The following AK3 variants were observed in gnomAD, a reference collection of about 807,000 sequenced individuals.
AK3 encodes the protein GTP:AMP phosphotransferase AK3, mitochondrial.
In AK3, 27 loss-of-function variants were observed where a neutral mutation model predicts 23.7. The ratio of observed to expected loss-of-function variants is 1.14; its 90% CI spans 0.84 to 1.57. The LOEUF is 1.57. Among genes scored for constraint, AK3 ranks in the 40% most tolerant of loss-of-function variants. The pLI is 0.00. For synonymous variants in AK3, 159 were observed against 116.0 expected, an observed-to-expected ratio of 1.37 and a Z score of -2.38; for missense variants, 406 against 285.6, an observed-to-expected ratio of 1.42 and a Z score of -3.04.
intron 1 of AK3, among the ~76,000 whole-genome samples, chr9:4,730,166 G>C (rs1284408059): frequency 1.3e-5 from 2 of 152,158 alleles, no homozygotes; most frequent in African/African-American, 2.4e-5. Flanking sequence ...GTTGCCAAAG[G>C]CTGGGAGGGT....
intron 1 of AK3, among the ~76,000 whole-genome samples, chr9:4,729,584 C>G (rs1163627431): frequency 6.6e-6 from 1 of 151,958 alleles, no homozygotes; most frequent in Non-Finnish European, 1.5e-5. Context: ...CCTGTAATCC[C>G]AATGTTTTGG....
intron 4 of AK3, among the ~76,000 whole-genome samples, chr9:4,715,159 C>T (rs1214357139): frequency 7.5e-6 from 1 of 133,460 alleles, no homozygotes; most frequent in Admixed American, 8.9e-5. Context: ...GAGGAGGCTG[C>T]AGTGAGCTGG....
intron 1 of AK3, among the ~76,000 whole-genome samples, chr9:4,735,803 G>T (rs1265942295): frequency 1.3e-5 from 2 of 150,786 alleles, no homozygotes; most frequent in Admixed American, 1.3e-4. Context: ...AATTTTAAAA[G>T]AAAAAATATA....
At chr9:4,714,616 G>C (rs918379011) in intron 4 of AK3, among the ~76,000 whole-genome samples, 1 of 152,098 alleles carries the variant, frequency 6.6e-6, no homozygotes, top group African/African-American at 2.4e-5. Flanking sequence ...TAATTACTGA[G>C]GGCACAATTG....
rs1842425414 is a variant in AK3 at position 4,741,185 on chromosome 9, C to A, written c.-98G>T. The A allele has an allele frequency of 4.0e-6, 5 of 1,259,822 alleles. No homozygotes were observed. The highest frequency in any genetic ancestry group is 2.1e-5 in the South Asian group (1 of 47,826). 78.0% of individuals were successfully genotyped at this position (1,259,822 alleles called of 1,614,324 possible). A position where few individuals can be genotyped will look rare whatever the true frequency, so the allele number is the denominator to read the frequency against. On this transcript the variant is annotated 5_prime_UTR_variant, in exon 1 of 5. Coordinates refer to ENST00000381809, the MANE Select transcript of AK3 (RefSeq NM_016282.4). ...GCCTGCGCCGGCCGGCTAGCAGCGC[C>A]ACTAGCAGGCGGCTACTGCGGTTCC... is the stretch of plus-strand genomic sequence containing the variant.
At chr9:4,738,932 C>T (rs1260020345) in intron 1 of AK3, among the ~76,000 whole-genome samples, 3 of 152,032 alleles carry the variant, frequency 2.0e-5, no homozygotes, top group Admixed American at 1.3e-4. Flanking sequence ...CCACCATGCC[C>T]AGCTAATTTT....
At chr9:4,726,799 C>T (rs1842032034) in intron 1 of AK3, among the ~76,000 whole-genome samples, 1 of 151,298 alleles carries the variant, frequency 6.6e-6, no homozygotes, top group Non-Finnish European at 1.5e-5. Flanking sequence ...TTGCCCAAAT[C>T]CATCAGAGGA....
chr9:4,737,127 TTACTA>T, intron 1 of AK3, among the ~76,000 whole-genome samples: 1 of 150,490 alleles, frequency 6.6e-6, no homozygotes, highest in Non-Finnish European at 1.5e-5. Flanking sequence ...TAGTTTTTCT[TTACTA>T]TATAGTTCTT....
rs1842411151 is a variant in AK3, at chr9:4,740,807, T to C, written c.151+130A>G. The C allele has an allele frequency of 1.7e-5, 20 of 1,184,464 alleles. 1 individual carries two copies. The South Asian group carries it at 2.9e-4, about 17-fold the overall frequency. The allele number at this position is 1,184,464 out of a possible 1,614,324, so 73.4% of individuals were successfully genotyped here. ...CGCAGTCGCTCAGCAGCCCGAGGTC[T>C]CTGTCCCGGGCGGCGGGAGGGAAAT... On this transcript the variant is annotated intron_variant, in intron 1 of 4. Transcript: ENST00000381809.
At chr9:4,721,838 T>G (rs1430347452) in intron 2 of AK3, among the ~76,000 whole-genome samples, 3 of 152,242 alleles carry the variant, frequency 2.0e-5, no homozygotes, top group African/African-American at 7.2e-5. Flanking sequence ...CTACTTGTCT[T>G]CTACTAGAAT....
At chr9:4,715,335 A>G (rs140204166) in intron 4 of AK3, among the ~76,000 whole-genome samples, 3 of 151,618 alleles carry the variant, frequency 2.0e-5, no homozygotes, top group African/African-American at 7.2e-5. Flanking sequence ...ATCTCCTAAG[A>G]CAGGGGCCCG....
At chr9:4,715,216 C>CAAAA (rs1237615381) in intron 4 of AK3, among the ~76,000 whole-genome samples, 92 of 55,926 alleles carry the variant, frequency 1.6e-3, no homozygotes, top group East Asian at 0.011. Flanking sequence ...GACTCCGTCT[C>CAAAA]AAAAAAAAAA....
chr9:4,718,137 C>G (rs1841786889), intron 4 of AK3, among the ~76,000 whole-genome samples: 1 of 152,208 alleles, frequency 6.6e-6, no homozygotes. Context: ...CTGGCTGTTC[C>G]TACAAATGTC....
At chr9:4,735,834 G>T (rs1443550075) in intron 1 of AK3, among the ~76,000 whole-genome samples, 3 of 151,620 alleles carry the variant, frequency 2.0e-5, no homozygotes, top group African/African-American at 7.3e-5. Context: ...ATTGATGAAG[G>T]CCAGGTGCAG....
At chr9:4,724,412 A>G (rs1016538947) in intron 1 of AK3, among the ~76,000 whole-genome samples, 1 of 152,184 alleles carries the variant, frequency 6.6e-6, no homozygotes, top group Non-Finnish European at 1.5e-5. Context: ...GTTAATTAAT[A>G]AAGTACTTAA....
chr9:4,720,551 G>A (rs1188352997), intron 2 of AK3, among the ~76,000 whole-genome samples: 5 of 151,920 alleles, frequency 3.3e-5, no homozygotes, highest in South Asian at 2.1e-4. Flanking sequence ...TTAGCAGGGC[G>A]TGGTGGTGCA....
At chr9:4,722,448 T>C in intron 2 of AK3, 58 bp downstream of exon 2, 1 of 1,611,024 alleles carries the variant, frequency 6.2e-7, no homozygotes, top group Admixed American at 1.7e-5. Flanking sequence ...GAAATGCTCA[T>C]TCTCCTGCCA....
chr9:4,735,028 G>T (rs187919690), intron 1 of AK3, among the ~76,000 whole-genome samples: 2 of 151,576 alleles, frequency 1.3e-5, no homozygotes, highest in African/African-American at 4.9e-5. Flanking sequence ...AGAAGTGACG[G>T]CTAATAGGTA....
chr9:4,731,379 C>G (rs542096719), intron 1 of AK3, among the ~76,000 whole-genome samples: 2 of 152,212 alleles, frequency 1.3e-5, no homozygotes, highest in East Asian at 3.9e-4. Context: ...ATTTGGTTTT[C>G]TTTTCCTGCG....
Sources: gnomAD v4.1 joint callset for allele counts (sites outside exome capture counted in the v4.1 genomes callset) on GRCh38, gnomAD v4.1.1 for gene constraint, MANE v1.5 for transcripts, NCBI Gene and HGNC (gene_info 2026-07-23, HGNC 2026-07-21) for gene names.